Variants in PABPC4L observed in about 807,000 individuals in gnomAD.
PABPC4L encodes polyadenylate-binding protein 4-like.
For missense variants in PABPC4L, 452 were observed against 451.4 expected (o/e 1.00, Z -0.01); for synonymous variants, 169 against 164.1 (o/e 1.03, Z -0.23).
the PABPC4L span, among the ~76,000 whole-genome samples, chr4:134,014,364 C>G: frequency 6.6e-6 from 1 of 152,184 alleles, no homozygotes; most frequent in African/African-American, 2.4e-5. Flanking sequence ...CCAGCCACAT[C>G]TCCAGCACAC....
chr4:134,086,657 G>A, the PABPC4L span, among the ~76,000 whole-genome samples: 13 of 151,492 alleles, frequency 8.6e-5, no homozygotes, highest in South Asian at 2.1e-4. Context: ...CCGCTCCACC[G>A]TCACAGGGAC....
chr4:134,131,398 C>G, the PABPC4L span, among the ~76,000 whole-genome samples: 2 of 151,988 alleles, frequency 1.3e-5, no homozygotes, highest in Middle Eastern at 6.8e-3. Context: ...TATAAAGCAA[C>G]AGCAACCAAG....
At chr4:134,169,158 GA>G in the PABPC4L span, among the ~76,000 whole-genome samples, 6 of 152,084 alleles carry the variant, frequency 3.9e-5, no homozygotes, top group African/African-American at 1.2e-4. Flanking sequence ...TATGCAAATT[GA>G]AAACTGTGAG....
chr4:134,176,651 C>A, the PABPC4L span, among the ~76,000 whole-genome samples: 1 of 152,144 alleles, frequency 6.6e-6, no homozygotes, highest in Admixed American at 6.6e-5. Flanking sequence ...ATCTGAAAAA[C>A]CACGTCGGGA....
the PABPC4L span, among the ~76,000 whole-genome samples, chr4:134,104,018 C>T: frequency 7.1e-6 from 1 of 141,600 alleles, no homozygotes; most frequent in Non-Finnish European, 1.5e-5. Context: ...CAACTGTTTT[C>T]CACATTTGCC....
the PABPC4L span, among the ~76,000 whole-genome samples, chr4:134,022,062 G>A: frequency 0.82 from 124,410 of 152,066 alleles, 51,431 homozygotes; most frequent in East Asian, 1. Context: ...GCTAAATACA[G>A]CATTTTCCAA....
the PABPC4L span, among the ~76,000 whole-genome samples, chr4:134,050,880 ATTTTTTTT>A: frequency 0.21 from 28,027 of 134,882 alleles, 3,294 homozygotes; most frequent in Middle Eastern, 0.28. Context: ...ATTGACCTTT[ATTTTTTTT>A]TTTTTTTTTT....
chr4:134,131,770 A>G, the PABPC4L span, among the ~76,000 whole-genome samples: 1 of 150,562 alleles, frequency 6.6e-6, no homozygotes, highest in Non-Finnish European at 1.5e-5. Context: ...CAAGACTAAG[A>G]AAAAAGAACA....
chr4:134,200,628 C>T lies in PABPC4L; in HGVS notation c.392G>A (p.Ser131Asn), dbSNP rs1364190164. The T allele has an allele frequency of 6.4e-7, 1 of 1,551,646 alleles. No individual in the cohort carries two copies. Among genetic ancestry groups the T allele is most frequent in the Non-Finnish European group, 8.7e-7 (1 of 1,146,970 alleles). ...ATAGCCCTTGGAGCCTTGATCATCACTCATCACCTTGGAGGAAAGGATCTT... is the reference window on the plus strand; with the variant it reads ...ATAGCCCTTGGAGCCTTGATCATCATTCATCACCTTGGAGGAAAGGATCTT... ...FGKILSSKVM[S>N]DDQGSKGYAF... Residue 131 changes from serine (S) to asparagine (N), a missense_variant, in exon 2 of 2, where the codon AGT becomes AAT. Transcript: ENST00000421491.
At chr4:133,976,519 C>A in the PABPC4L span, among the ~76,000 whole-genome samples, 2 of 152,102 alleles carry the variant, frequency 1.3e-5, no homozygotes, top group Non-Finnish European at 2.9e-5. Context: ...GATTCTAAAT[C>A]TTTGAGGAAT....
At chr4:134,151,618 A>G in the PABPC4L span, among the ~76,000 whole-genome samples, 1 of 152,050 alleles carries the variant, frequency 6.6e-6, no homozygotes, top group Non-Finnish European at 1.5e-5. Context: ...CTACATTTAA[A>G]TAGTACATTT....
chr4:134,107,395 A>G, the PABPC4L span, among the ~76,000 whole-genome samples: 4 of 151,584 alleles, frequency 2.6e-5, no homozygotes, highest in African/African-American at 9.7e-5. Flanking sequence ...AGTTTTATTC[A>G]TAGTTAATGA....
chr4:134,059,652 T>C, the PABPC4L span, among the ~76,000 whole-genome samples: 1 of 151,390 alleles, frequency 6.6e-6, no homozygotes, highest in Admixed American at 6.6e-5. Flanking sequence ...AATAATATTA[T>C]AGAAAAATTT....
At chr4:133,990,516 A>G in the PABPC4L span, among the ~76,000 whole-genome samples, 2 of 152,156 alleles carry the variant, frequency 1.3e-5, no homozygotes, top group Non-Finnish European at 1.5e-5. Context: ...GCTGAGTAAC[A>G]GATGAAAGAA....
At chr4:134,137,383 G>A in the PABPC4L span, among the ~76,000 whole-genome samples, 1 of 151,830 alleles carries the variant, frequency 6.6e-6, no homozygotes, top group Admixed American at 6.6e-5. Flanking sequence ...GAAATCCAAT[G>A]TTTACAAGTA....
chr4:134,183,482 G>A, the PABPC4L span, among the ~76,000 whole-genome samples: 2 of 149,816 alleles, frequency 1.3e-5, no homozygotes, highest in African/African-American at 5.0e-5. Context: ...AGGAGGAAGA[G>A]GGTAAAAAAA....
chr4:134,175,288 AAAT>A, the PABPC4L span, among the ~76,000 whole-genome samples: 1 of 152,180 alleles, frequency 6.6e-6, no homozygotes. Context: ...AAATAAGAAT[AAAT>A]AATTAAAATG....
the PABPC4L span, among the ~76,000 whole-genome samples, chr4:134,171,590 A>G: frequency 6.6e-6 from 1 of 152,190 alleles, no homozygotes; most frequent in Admixed American, 6.5e-5. Context: ...AGCTGGAAGC[A>G]TTCCCCTTAG....
At chr4:133,968,277 G>A in the PABPC4L span, among the ~76,000 whole-genome samples, 1 of 152,166 alleles carries the variant, frequency 6.6e-6, no homozygotes, top group Non-Finnish European at 1.5e-5. Context: ...CTAGAGATTA[G>A]GAGGTCTTAG....
Sources: gnomAD v4.1 joint callset for allele counts (sites outside exome capture counted in the v4.1 genomes callset) on GRCh38, gnomAD v4.1.1 for gene constraint, MANE v1.5 for transcripts, NCBI Gene and HGNC (gene_info 2026-07-23, HGNC 2026-07-21) for gene names.